The following SGCD variants were observed in gnomAD, a reference collection of about 807,000 sequenced individuals.
SGCD encodes sarcoglycan delta.
A neutral mutation model predicts 36.6 loss-of-function variants in SGCD; 18 were observed. The ratio of observed to expected loss-of-function variants is 0.49; its 90% CI spans 0.34 to 0.73. The LOEUF (loss-of-function observed/expected upper bound fraction) is 0.73, where lower values mean the gene tolerates loss of function less well. Among genes scored for constraint, SGCD ranks in the 30% least tolerant of loss-of-function variants. The pLI is 0.01. For missense variants in SGCD, 387 were observed against 346.7 expected (o/e 1.12, Z -0.92); for synonymous variants, 133 against 130.6 (o/e 1.02, Z -0.12).
intron 3 of SGCD, among the ~76,000 whole-genome samples, chr5:156,453,175 T>C (rs1359062378): frequency 6.6e-6 from 1 of 152,158 alleles, no homozygotes; most frequent in Admixed American, 6.5e-5. Context: ...ATTTTTATTC[T>C]GAAAGGGAAA....
intron 3 of SGCD, among the ~76,000 whole-genome samples, chr5:156,465,964 T>C (rs370540340): frequency 4.0e-4 from 61 of 152,322 alleles, no homozygotes; most frequent in African/African-American, 1.5e-3. Flanking sequence ...TTTCAGAAGT[T>C]CGTAGTTGGT....
At chr5:156,027,803 T>A (rs1028307227) in intron 1 of SGCD, among the ~76,000 whole-genome samples, 1 of 152,224 alleles carries the variant, frequency 6.6e-6, no homozygotes, top group African/African-American at 2.4e-5. Context: ...TAAATTTGGC[T>A]AATTGTCATT....
chr5:156,409,757 C>T (rs2127768646), intron 3 of SGCD, among the ~76,000 whole-genome samples: 1 of 152,306 alleles, frequency 6.6e-6, no homozygotes, highest in South Asian at 2.1e-4. Flanking sequence ...ATAGTCCTAT[C>T]TACTCCTATG....
At chr5:156,411,400 G>A (rs1173265048) in intron 3 of SGCD, among the ~76,000 whole-genome samples, 2 of 152,146 alleles carry the variant, frequency 1.3e-5, no homozygotes, top group South Asian at 2.1e-4. Context: ...TAGGGAGTTC[G>A]AAGCAGGCTC....
intron 1 of SGCD, among the ~76,000 whole-genome samples, chr5:156,088,554 CAGTGGTGCAA>C (rs1190460648): frequency 6.6e-6 from 1 of 152,066 alleles, no homozygotes; most frequent in African/African-American, 2.4e-5. Flanking sequence ...GGCTAGAATG[CAGTGGTGCAA>C]TCATGGCTCA....
intron 1 of SGCD, among the ~76,000 whole-genome samples, chr5:155,925,009 A>G (rs1756967946): frequency 6.6e-6 from 1 of 152,060 alleles, no homozygotes. Flanking sequence ...CGAATTTTTT[A>G]CTTGTCCTTA....
chr5:156,361,648 C>T (rs1418051825), intron 3 of SGCD, among the ~76,000 whole-genome samples: 1 of 152,122 alleles, frequency 6.6e-6, no homozygotes, highest in African/African-American at 2.4e-5. Flanking sequence ...AAAGGAATGA[C>T]TAATAGAGTC....
At chr5:155,984,420 A>G (rs1758289724) in intron 1 of SGCD, among the ~76,000 whole-genome samples, 1 of 152,216 alleles carries the variant, frequency 6.6e-6, no homozygotes. Flanking sequence ...TTATAAAGCT[A>G]ATAGCCCAGA....
At chr5:156,361,882 T>C (rs751238116) in intron 3 of SGCD, among the ~76,000 whole-genome samples, 5 of 152,164 alleles carry the variant, frequency 3.3e-5, no homozygotes, top group Non-Finnish European at 7.3e-5. Context: ...CAGAGAGAGA[T>C]GACAACGTGA....
intron 1 of SGCD, among the ~76,000 whole-genome samples, chr5:155,920,110 C>T (rs941100777): frequency 1.3e-5 from 2 of 152,152 alleles, no homozygotes; most frequent in African/African-American, 4.8e-5. Context: ...CTCAGACACC[C>T]CATTTAGCCA....
intron 1 of SGCD, among the ~76,000 whole-genome samples, chr5:155,886,870 G>C (rs1403215065): frequency 6.6e-6 from 1 of 152,144 alleles, no homozygotes; most frequent in African/African-American, 2.4e-5. Context: ...CCCTCAGAAG[G>C]GGCTGCCAAG....
chr5:155,964,176 T>G (rs1157994270), intron 1 of SGCD, among the ~76,000 whole-genome samples: 2 of 152,166 alleles, frequency 1.3e-5, no homozygotes, highest in African/African-American at 2.4e-5. Flanking sequence ...TTCATCATCT[T>G]CTTTTATATC....
chr5:156,750,705 C>T (rs1214547621), intron 7 of SGCD, among the ~76,000 whole-genome samples: 1 of 151,118 alleles, frequency 6.6e-6, no homozygotes, highest in Non-Finnish European at 1.5e-5. Flanking sequence ...TTTATAGTTG[C>T]AATGAAAACC....
At chr5:156,177,184 T>G (rs532385053) in intron 3 of SGCD, among the ~76,000 whole-genome samples, 83 of 152,154 alleles carry the variant, frequency 5.5e-4, no homozygotes, top group African/African-American at 1.9e-3. Context: ...GTATTTTTAG[T>G]AGAGACGGGG....
chr5:156,669,288 A>G (rs1418606292), intron 7 of SGCD, among the ~76,000 whole-genome samples: 1 of 152,122 alleles, frequency 6.6e-6, no homozygotes, highest in African/African-American at 2.4e-5. Flanking sequence ...TTAGCCAGAC[A>G]CTAGATGCTG....
the SGCD span, among the ~76,000 whole-genome samples, chr5:155,810,271 T>C: frequency 1.3e-5 from 2 of 152,228 alleles, no homozygotes; most frequent in African/African-American, 2.4e-5. Flanking sequence ...AGATGGTCTT[T>C]CTGACTGAAA....
At chr5:156,235,926 C>T (rs1169356707) in intron 3 of SGCD, among the ~76,000 whole-genome samples, 1 of 152,096 alleles carries the variant, frequency 6.6e-6, no homozygotes, top group African/African-American at 2.4e-5. Context: ...TCTACTTTAC[C>T]TTCTCGCCAA....
At chr5:155,746,319 AG>A in the SGCD span, among the ~76,000 whole-genome samples, 1 of 152,094 alleles carries the variant, frequency 6.6e-6, no homozygotes, top group Non-Finnish European at 1.5e-5. Flanking sequence ...AGCAAGCAAA[AG>A]GTTTATTAAG....
chr5:155,985,204 G>A (rs1317784043), intron 1 of SGCD, among the ~76,000 whole-genome samples: 1 of 152,136 alleles, frequency 6.6e-6, no homozygotes, highest in Non-Finnish European at 1.5e-5. Context: ...GGTTCAGCTG[G>A]TTCTTTGCTT....
Sources: gnomAD v4.1 joint callset for allele counts (sites outside exome capture counted in the v4.1 genomes callset) on GRCh38, gnomAD v4.1.1 for gene constraint, MANE v1.5 for transcripts, NCBI Gene and HGNC (gene_info 2026-07-23, HGNC 2026-07-21) for gene names.